IRAK1BP1: variants seen among roughly 807,000 people sequenced by gnomAD.
IRAK1BP1 encodes the protein interleukin-1 receptor-associated kinase 1-binding protein 1.
A neutral mutation model predicts 28.0 loss-of-function variants in IRAK1BP1; 24 were observed. That is an observed-to-expected ratio of 0.86 (90% CI 0.62 to 1.20). The LOEUF is 1.20. Among genes scored for constraint, IRAK1BP1 ranks in the 50% most tolerant of loss-of-function variants. The probability of loss-of-function intolerance (pLI) is 0.00; values close to 1 mark genes in which losing one functional copy is unlikely to be tolerated. For missense variants in IRAK1BP1, 336 were observed against 316.7 expected (o/e 1.06, Z -0.46); for synonymous variants, 131 against 116.3 (o/e 1.13, Z -0.81).
downstream of IRAK1BP1, chr6:78,946,717 G>T: frequency 6.4e-7 from 1 of 1,558,672 alleles, no homozygotes; most frequent in Non-Finnish European, 8.6e-7. Context: ...ATACCTTGAT[G>T]CAGCACTACT....
chr6:78,957,695 A>T, the IRAK1BP1 span: 10 of 151,992 alleles, frequency 6.6e-5, no homozygotes, highest in Non-Finnish European at 1.3e-4. Context: ...GGAAAAAAAA[A>T]TTCAATACAA....
intron 1 of IRAK1BP1, among the ~76,000 whole-genome samples, chr6:78,883,992 C>T (rs1771325168): frequency 6.6e-6 from 1 of 152,154 alleles, no homozygotes; most frequent in African/African-American, 2.4e-5. Flanking sequence ...AATTTATCCC[C>T]TGTAGATAAG....
At chr6:78,871,890 G>A in intron 1 of IRAK1BP1, 1 of 523,652 alleles carries the variant, frequency 1.9e-6, no homozygotes, top group East Asian at 3.2e-5. Context: ...TCACATTTGT[G>A]TGCATGCAGG....
intron 2 of IRAK1BP1, among the ~76,000 whole-genome samples, chr6:78,888,260 A>G (rs1183731967): frequency 1.3e-5 from 2 of 152,180 alleles, no homozygotes; most frequent in South Asian, 2.1e-4. Context: ...TGAATTCTAG[A>G]TATGGGCTAT....
chr6:78,905,198 A>AAGATATAGTGAT (rs1772230503), downstream of IRAK1BP1, among the ~76,000 whole-genome samples: 1 of 152,222 alleles, frequency 6.6e-6, no homozygotes, highest in African/African-American at 2.4e-5. Flanking sequence ...TATTAAATAC[A>AAGATATAGTGAT]ACGCTTTAGA....
chr6:78,965,898 T>C, the IRAK1BP1 span: 1 of 1,415,030 alleles, frequency 7.1e-7, no homozygotes, highest in Non-Finnish European at 1.0e-6. Context: ...GAAAAAAAAA[T>C]TCAAAGCAAG....
the IRAK1BP1 span, chr6:78,955,680 T>A: frequency 9.9e-7 from 1 of 1,006,878 alleles, no homozygotes; most frequent in Non-Finnish European, 1.5e-6. Context: ...ACAAGTCTGA[T>A]CCCTACATAA....
intron 4 of IRAK1BP1, among the ~76,000 whole-genome samples, chr6:78,919,954 C>T (rs778256977): frequency 3.3e-5 from 5 of 152,268 alleles, no homozygotes; most frequent in Non-Finnish European, 5.9e-5. Context: ...CATCCAGCAG[C>T]ACATCAAAAA....
chr6:78,967,191 A>G, the IRAK1BP1 span, among the ~76,000 whole-genome samples: 5 of 152,230 alleles, frequency 3.3e-5, no homozygotes, highest in African/African-American at 1.2e-4. Flanking sequence ...GTAAAAGAAT[A>G]TGATAAAAAA....
intron 1 of IRAK1BP1, among the ~76,000 whole-genome samples, chr6:78,881,681 T>A (rs1771235200): frequency 6.6e-6 from 1 of 152,140 alleles, no homozygotes; most frequent in African/African-American, 2.4e-5. Flanking sequence ...GTGTTTTGAC[T>A]GGAAATTATA....
At chr6:78,872,991 C>T (rs566617082) in intron 1 of IRAK1BP1, among the ~76,000 whole-genome samples, 1 of 152,152 alleles carries the variant, frequency 6.6e-6, no homozygotes, top group South Asian at 2.1e-4. Flanking sequence ...CACGATGGCT[C>T]ATGCCTGTAA....
At chr6:78,923,117 G>A (rs146803704) in intron 4 of IRAK1BP1, among the ~76,000 whole-genome samples, 2,356 of 152,008 alleles carry the variant, frequency 0.015, 63 homozygotes, top group African/African-American at 0.054. Context: ...CAATTAAAAG[G>A]CACAGACTGG....
chr6:78,955,957 CTCAGTCT>C, the IRAK1BP1 span: 1 of 226,258 alleles, frequency 4.4e-6, no homozygotes, highest in African/African-American at 2.2e-5. Flanking sequence ...TCTTCCATTC[CTCAGTCT>C]TCAAACAGCT....
chr6:78,904,086 A>G (rs1306074979), downstream of IRAK1BP1, among the ~76,000 whole-genome samples: 1 of 152,204 alleles, frequency 6.6e-6, no homozygotes, highest in Non-Finnish European at 1.5e-5. Context: ...GTTTATGGCA[A>G]AGTTACCTGA....
chr6:78,904,350 A>T (rs1772205459), downstream of IRAK1BP1, among the ~76,000 whole-genome samples: 1 of 152,156 alleles, frequency 6.6e-6, no homozygotes, highest in African/African-American at 2.4e-5. Context: ...TCCTATTGCC[A>T]CTGAGGGTGA....
the IRAK1BP1 span, among the ~76,000 whole-genome samples, chr6:78,971,833 C>T: frequency 2.6e-5 from 4 of 152,288 alleles, no homozygotes; most frequent in South Asian, 4.1e-4. Flanking sequence ...GCTTAAAAAA[C>T]GGCGCACCAC....
the IRAK1BP1 span, among the ~76,000 whole-genome samples, chr6:78,962,656 CAG>C: frequency 6.6e-6 from 1 of 152,024 alleles, no homozygotes; most frequent in Non-Finnish European, 1.5e-5. Context: ...TTTAACAAGG[CAG>C]AGCAATTAAT....
intron 1 of IRAK1BP1, among the ~76,000 whole-genome samples, chr6:78,872,787 G>C (rs1770836157): frequency 6.6e-6 from 1 of 152,012 alleles, no homozygotes. Flanking sequence ...GGCACAGTAG[G>C]CATTATTTTC....
chr6:78,888,789 T>C (rs1359538214), intron 2 of IRAK1BP1, among the ~76,000 whole-genome samples: 2 of 152,074 alleles, frequency 1.3e-5, no homozygotes, highest in East Asian at 3.9e-4. Flanking sequence ...ACTACAGACA[T>C]GAGCCACCTA....
Sources: gnomAD v4.1 joint callset for allele counts (sites outside exome capture counted in the v4.1 genomes callset) on GRCh38, gnomAD v4.1.1 for gene constraint, MANE v1.5 for transcripts, NCBI Gene and HGNC (gene_info 2026-07-23, HGNC 2026-07-21) for gene names.